The following ETV3 variants were observed in gnomAD, a reference collection of about 807,000 sequenced individuals.
ETV3 encodes ETS variant transcription factor 3.
In ETV3, 8 loss-of-function variants were observed where a neutral mutation model predicts 33.0. The ratio of observed to expected loss-of-function variants is 0.24; its 90% CI spans 0.14 to 0.44. The LOEUF is 0.44. Ranked by LOEUF, ETV3 falls within the 20% of genes least tolerant of loss-of-function variation. The probability of loss-of-function intolerance (pLI) is 1.00; values close to 1 mark genes in which losing one functional copy is unlikely to be tolerated. For synonymous variants in ETV3, 222 were observed against 238.9 expected, an observed-to-expected ratio of 0.93 and a Z score of 0.65; for missense variants, 473 against 652.3, an observed-to-expected ratio of 0.73 and a Z score of 2.99.
rs1475363535 is a variant in ETV3, at chr1:157,123,157, G to C, written c.*1684C>G. ...CTCTAATTGTAGACACCATCTCTGT[G>C]CCACCCTTCCTCTCATCGGATATGG... is the stretch of plus-strand genomic sequence containing the variant. On this transcript the variant is annotated 3_prime_UTR_variant, in exon 5 of 5. Transcript: ENST00000368192. The C allele has an allele frequency of 6.6e-6, 1 of 152,272 alleles. No homozygotes were observed. The highest frequency in any genetic ancestry group is 1.5e-5 in the Non-Finnish European group (1 of 68,068). The allele number at this position is 152,272 out of a possible 1,614,324, so 9.4% of individuals were successfully genotyped here.
Position 157,135,113 on chromosome 1 carries a change from G to T in ETV3, c.284+358C>A, listed in dbSNP as rs916105218. ...TTTCTTTCAGGGAAGCCCAAAGAAAGAAATTCTAACAGATTCTAATAGAGA... is the reference window on the plus strand; with the variant it reads ...TTTCTTTCAGGGAAGCCCAAAGAAATAAATTCTAACAGATTCTAATAGAGA... On this transcript the variant is annotated intron_variant, in intron 3 of 4. Transcript: ENST00000368192. 8 of 286,662 alleles carry T rather than the reference G, an allele frequency of 2.8e-5. No individual in the cohort carries two copies. In the South Asian group the frequency reaches 5.3e-4, roughly 19 times the overall value. The allele number at this position is 286,662 out of a possible 1,614,324, so 17.8% of individuals were successfully genotyped here.
chr1:157,130,910 T>C (rs1236647774), intron 4 of ETV3, among the ~76,000 whole-genome samples: 2 of 152,156 alleles, frequency 1.3e-5, no homozygotes, highest in East Asian at 1.9e-4. Context: ...GGTAATGTTA[T>C]TGTGGTTATG....
At chr1:157,133,768 C>T (rs901155328) in intron 4 of ETV3, 2 of 1,037,470 alleles carry the variant, frequency 1.9e-6, no homozygotes, top group African/African-American at 1.7e-5. Flanking sequence ...TATGAAAGAA[C>T]CACTGGGCTG....
intron 1 of ETV3, among the ~76,000 whole-genome samples, chr1:157,137,181 T>C (rs1675132835): frequency 1.3e-5 from 2 of 152,078 alleles, no homozygotes; most frequent in African/African-American, 4.8e-5. Flanking sequence ...AGCAAGGAGC[T>C]TTGTGTTAAT....
At chr1:157,133,752 C>T (rs560588550) in intron 4 of ETV3, 17 of 1,020,956 alleles carry the variant, frequency 1.7e-5, no homozygotes, top group African/African-American at 3.4e-5. Context: ...GAAACAGGTT[C>T]CCATCTATGA....
At position 157,124,765 on chromosome 1, in the gene ETV3, C is replaced by CCCCCCTCAA; in HGVS notation, c.*75_*76insTTGAGGGGG. 2.5e-6 allele frequency: 1 copy of CCCCCCTCAA among 408,016 alleles called. No individual in the cohort carries two copies. Among genetic ancestry groups the CCCCCCTCAA allele is most frequent in the Non-Finnish European group, 4.1e-6 (1 of 241,294 alleles). The allele number at this position is 408,016 out of a possible 1,614,324, so 25.3% of individuals were successfully genotyped here. On this transcript the variant is annotated 3_prime_UTR_variant, in exon 5 of 5. Transcript: ENST00000368192. Reference sequence around the variant, plus strand: ...CAAACCAGTTTAACTCCCTCCCCCCCACCCTGAAATCTTGCTACATAAATA... The same window carrying CCCCCCTCAA: ...CAAACCAGTTTAACTCCCTCCCCCCCCCCCCTCAAACCCTGAAATCTTGCTACATAAATA...
At chr1:157,137,163 T>G (rs1268013787) in intron 1 of ETV3, among the ~76,000 whole-genome samples, 2 of 152,132 alleles carry the variant, frequency 1.3e-5, no homozygotes, top group East Asian at 3.9e-4. Flanking sequence ...AAATTTCCTG[T>G]TCCTCCCAGC....
chr1:157,137,337 C>G (rs1177921107), intron 1 of ETV3, among the ~76,000 whole-genome samples: 3 of 152,018 alleles, frequency 2.0e-5, no homozygotes, highest in African/African-American at 7.3e-5. Context: ...GTGGCCCCCG[C>G]GTAGGGACAA....
chr1:157,136,148 C>T (rs534971692), intron 2 of ETV3, among the ~76,000 whole-genome samples, 159 bp downstream of exon 2: 1 of 152,252 alleles, frequency 6.6e-6, no homozygotes, highest in African/African-American at 2.4e-5. Flanking sequence ...GTTAAATATA[C>T]ATCCATAGGA....
intron 4 of ETV3, chr1:157,133,290 A>G (rs564635555): frequency 3.7e-6 from 2 of 539,390 alleles, no homozygotes; most frequent in African/African-American, 2.1e-5. Context: ...AAGAAAAAAC[A>G]TCATATATAT....
rs754162687 is a variant in ETV3 at position 157,135,515 on chromosome 1, T to C, written c.240A>G (p.Lys80=). ...TGTCATAATTCATCTGTGGTTTGCA[T>C]TTCCTGCGGCCCCAGAGGCGGGCCA... ...DEVARLWGRR[K]CKPQMNYDKL... is the part of the protein sequence containing the mutation. The change falls in exon 3 of 5, where the codon AAA becomes AAG. Residue 80 remains lysine (K), a synonymous_variant. Coordinates refer to ENST00000368192, the MANE Select transcript of ETV3 (RefSeq NM_001145312.3). The C allele has an allele frequency of 5.6e-6, 9 of 1,614,068 alleles. No homozygotes were observed. Among genetic ancestry groups the C allele is most frequent in the Non-Finnish European group, 7.6e-6 (9 of 1,179,948 alleles).
chr1:157,127,272 TA>T (rs1674864805), intron 4 of ETV3, among the ~76,000 whole-genome samples: 1 of 152,264 alleles, frequency 6.6e-6, no homozygotes, highest in South Asian at 2.1e-4. Context: ...GTTTAATTTT[TA>T]AAAAGGCTAC....
chr1:157,125,416 A>G lies in ETV3; in HGVS notation c.964T>C (p.Tyr322His), dbSNP rs1196726483. Residue 322 changes from tyrosine (Y) to histidine (H), a missense_variant, in exon 5 of 5, where the codon TAC becomes CAC. Tyr to His is a moderately conservative substitution (Grantham distance 83). This residue lies in a region of ETV3 where 410 missense variants were observed against 520.2 expected (regional missense o/e 0.79). Coordinates refer to ENST00000368192, the MANE Select transcript of ETV3 (RefSeq NM_001145312.3). The surrounding 1 kb of genome is among the most constrained non-coding windows in gnomAD (Gnocchi z 4.0). ...AGTGGTGGAACCATGAGCCCTGGGT[A>G]ACGGGGAAAAGTCCGAGGACTCAGA... is the stretch of plus-strand genomic sequence containing the variant. ...YHLSPRTFPR[Y>H]PGLMVPPLQC... 3 of 1,552,218 alleles carry G rather than the reference A, an allele frequency of 1.9e-6. No individual in the cohort carries two copies. Among genetic ancestry groups the G allele is most frequent in the Non-Finnish European group, 2.6e-6 (3 of 1,147,110 alleles).
Position 157,124,649 on chromosome 1 carries a change from A to G in ETV3, c.*192T>C. On this transcript the variant is annotated 3_prime_UTR_variant, in exon 5 of 5. Coordinates refer to ENST00000368192, the MANE Select transcript of ETV3 (RefSeq NM_001145312.3). ...CTGTGTCCTACTCACCAGGAAAATA[A>G]GTGTGTTCATATCCCACCTAATTTA... 1.8e-6 allele frequency: 1 copy of G among 557,450 alleles called. No individual in the cohort carries two copies. The highest frequency in any genetic ancestry group is 3.0e-5 in the South Asian group (1 of 33,890). 34.5% of individuals were successfully genotyped at this position (557,450 alleles called of 1,614,324 possible). A position where few individuals can be genotyped will look rare whatever the true frequency, so the allele number is the denominator to read the frequency against.
rs779195722 is a variant in ETV3 at position 157,125,254 on chromosome 1, T to A, written c.1126A>T (p.Ile376Phe). The change falls in exon 5 of 5, where the codon ATT becomes TTT. Residue 376 changes from isoleucine (I) to phenylalanine (F), a missense_variant. Physicochemically the swap from Ile to Phe is conservative, Grantham distance 21 (BLOSUM62 0). Transcript: ENST00000368192. This position sits in a 1 kb window ranked among gnomAD's most constrained non-coding sequence, Gnocchi z 4.0. The stretch of plus-strand genomic sequence containing the variant: ...GGTTCCACCTTGATTCTTGGGGGAA[T>A]AGAAGCCATGGTGGGCGTGGTGACT... ...APVTTPTMASIPPRIKVEPAS... is the reference protein window; with the variant it reads ...APVTTPTMASFPPRIKVEPAS... The A allele has an allele frequency of 5.8e-6, 9 of 1,552,064 alleles. No individual in the cohort carries two copies. Among genetic ancestry groups the A allele is most frequent in the Non-Finnish European group, 7.8e-6 (9 of 1,147,116 alleles).
chr1:157,136,519 A>T (rs1300926610), intron 1 of ETV3, among the ~76,000 whole-genome samples, 154 bp from the exon 2 acceptor site: 33 of 151,896 alleles, frequency 2.2e-4, no homozygotes, highest in Admixed American at 2.2e-3. Context: ...CCAAACTGCT[A>T]CTCCCCAAGT....
At chr1:157,135,907 C>A (rs946179529) in intron 2 of ETV3, among the ~76,000 whole-genome samples, 199 bp from the exon 3 acceptor site, 10 of 152,178 alleles carry the variant, frequency 6.6e-5, no homozygotes, top group African/African-American at 2.4e-4. Context: ...ATCATTAAAT[C>A]TGATAAGAGT....
intron 2 of ETV3, 101 bp downstream of exon 2, chr1:157,136,206 T>C (rs1407526934): frequency 2.7e-6 from 3 of 1,123,518 alleles, no homozygotes; most frequent in African/African-American, 3.1e-5. Context: ...CAAGAGAGTG[T>C]CAGTCATGGT....
chr1:157,128,172 G>GT (rs1674885270), intron 4 of ETV3, among the ~76,000 whole-genome samples: 2 of 152,068 alleles, frequency 1.3e-5, no homozygotes, highest in African/African-American at 2.4e-5. Flanking sequence ...GCTGGTATTC[G>GT]TAAGACTGTA....
Sources: allele counts gnomAD v4.1 joint callset (sites outside exome capture counted in the v4.1 genomes callset), GRCh38; gene constraint gnomAD v4.1.1; regional missense constraint gnomAD v4.1.1; non-coding constraint Gnocchi (gnomAD v3.1); transcripts MANE v1.5; gene names NCBI Gene and HGNC (gene_info 2026-07-23, HGNC 2026-07-21).